Variants in SECISBP2L observed in about 807,000 individuals in gnomAD.
SECISBP2L encodes the protein selenocysteine insertion sequence-binding protein 2-like.
SECISBP2L carries 43 observed loss-of-function variants against 114.7 expected under a neutral mutation model. That is an observed-to-expected ratio of 0.38 (90% CI 0.29 to 0.48). SECISBP2L has a LOEUF of 0.48. Ranked by LOEUF, SECISBP2L falls within the 20% of genes least tolerant of loss-of-function variation. SECISBP2L has a pLI of 0.98. For missense variants in SECISBP2L, 1,136 were observed against 1,301.1 expected, an observed-to-expected ratio of 0.87 and a Z score of 1.95; for synonymous variants, 451 against 439.7, an observed-to-expected ratio of 1.03 and a Z score of -0.32.
intron 13 of SECISBP2L, 79 bp from the exon 14 acceptor site, chr15:49,009,457 G>A (rs1015319290): frequency 1.4e-6 from 2 of 1,414,386 alleles, no homozygotes; most frequent in African/African-American, 1.4e-5. Context: ...ATGCAATTTA[G>A]AATGGCCATT....
In SECISBP2L at chr15:48,992,308, G is replaced by C; in HGVS notation, c.3242C>G (p.Ser1081Cys). ...DQQASPGQQK[S>C]SNCSSLNKEH... is the part of the protein sequence containing the mutation. The stretch of plus-strand genomic sequence containing the variant: ...TTTGTTGAGCGAGCTGCAGTTGCTG[G>C]ACTTCTGCTGCCCAGGACTGGCCTG... Residue 1081 changes from serine (S) to cysteine (C), a missense_variant, in exon 18 of 18, where the codon TCC becomes TGC. Physicochemically the swap from Ser to Cys is moderately radical, Grantham distance 112. Around this residue, in one of 2 missense-constraint regions of SECISBP2L, gnomAD observed 684 missense variants for 848.7 expected, o/e 0.81. Transcript: ENST00000559471. The C allele has an allele frequency of 1.2e-6, 2 of 1,613,668 alleles. No individual in the cohort carries two copies. Among genetic ancestry groups the C allele is most frequent in the Non-Finnish European group, 8.5e-7 (1 of 1,179,814 alleles).
At chr15:49,016,463 T>C (rs1300652420) in intron 11 of SECISBP2L, 97 bp downstream of exon 11, 4 of 1,061,376 alleles carry the variant, frequency 3.8e-6, no homozygotes, top group South Asian at 1.8e-5. Flanking sequence ...CACATATATA[T>C]ACACATACAT....
At chr15:48,994,178 T>C (rs1277538499) in intron 17 of SECISBP2L, among the ~76,000 whole-genome samples, 2 of 152,060 alleles carry the variant, frequency 1.3e-5, no homozygotes, top group Non-Finnish European at 2.9e-5. Context: ...TTACACAATC[T>C]CAAAGCAGAA....
At chr15:49,034,669 GTTTT>G (rs58267682) in intron 3 of SECISBP2L, among the ~76,000 whole-genome samples, 1 of 132,136 alleles carries the variant, frequency 7.6e-6, no homozygotes, top group South Asian at 2.4e-4. Flanking sequence ...TATATCTTTT[GTTTT>G]TTTTTTTTTG....
Position 49,016,807 on chromosome 15 carries a change from C to A in SECISBP2L, c.1419+41G>T, listed in dbSNP as rs758821066. ...CTTCTATCTATTCCATCAAACCTAGCAAGTAAACTATCACATTTGTTCATA... is the reference window on the plus strand; with the variant it reads ...CTTCTATCTATTCCATCAAACCTAGAAAGTAAACTATCACATTTGTTCATA... On this transcript the variant is annotated intron_variant, in intron 10 of 17. Transcript: ENST00000559471. 4.4e-6 allele frequency: 7 copies of A among 1,591,300 alleles called. No homozygotes were observed. The South Asian group carries it at 5.7e-5, about 13-fold the overall frequency.
intron 14 of SECISBP2L, among the ~76,000 whole-genome samples, chr15:49,003,173 G>A (rs1902245712): frequency 6.6e-6 from 1 of 152,096 alleles, no homozygotes; most frequent in Admixed American, 6.5e-5. Context: ...CACATCCCTT[G>A]TAAGTTGGAT....
At chr15:49,034,943 G>A (rs1902975450) in intron 3 of SECISBP2L, among the ~76,000 whole-genome samples, 1 of 152,100 alleles carries the variant, frequency 6.6e-6, no homozygotes, top group Admixed American at 6.5e-5. Flanking sequence ...GATTATAGGT[G>A]TGGCCACTAC....
At chr15:49,040,696 C>T (rs960291878) in intron 1 of SECISBP2L, among the ~76,000 whole-genome samples, 1 of 150,926 alleles carries the variant, frequency 6.6e-6, no homozygotes, top group Non-Finnish European at 1.5e-5. Flanking sequence ...CCATCACGCC[C>T]GGCTAATTTT....
At chr15:49,022,410 G>C (rs571916393) in intron 7 of SECISBP2L, among the ~76,000 whole-genome samples, 71 of 152,316 alleles carry the variant, frequency 4.7e-4, no homozygotes, top group Non-Finnish European at 8.2e-4. Context: ...GACCAGTCTG[G>C]CCAACATGGT....
At chr15:49,032,778 C>T (rs914519397) in intron 4 of SECISBP2L, among the ~76,000 whole-genome samples, 187 bp downstream of exon 4, 1 of 152,152 alleles carries the variant, frequency 6.6e-6, no homozygotes, top group African/African-American at 2.4e-5. Flanking sequence ...ATAAGGCCAG[C>T]AAGCAAATTG....
intron 7 of SECISBP2L, among the ~76,000 whole-genome samples, chr15:49,023,506 C>G (rs1268377101): frequency 6.6e-6 from 1 of 152,196 alleles, no homozygotes; most frequent in Non-Finnish European, 1.5e-5. Context: ...TTTACCAAAA[C>G]AACAGATGAA....
intron 3 of SECISBP2L, among the ~76,000 whole-genome samples, chr15:49,034,275 C>G (rs1902958542): frequency 6.6e-6 from 1 of 152,200 alleles, no homozygotes; most frequent in Non-Finnish European, 1.5e-5. Context: ...CCTCTTCTAT[C>G]AGCTCAAAAG....
rs1902983961 is a variant in SECISBP2L, at chr15:49,035,396, G to C, written c.466C>G (p.Gln156Glu). ...ECTERPSQLG[Q>E]VFPLSSHRSR... is the part of the protein sequence containing the mutation. The stretch of plus-strand genomic sequence containing the variant: ...CGATGGCTGGACAATGGGAAGACCT[G>C]TCCAAGCTGACTTGGACGCTCAGTG... Residue 156 changes from glutamine to glutamate, a missense_variant, in exon 3 of 18, where the codon CAG becomes GAG. Coordinates refer to ENST00000559471, the MANE Select transcript of SECISBP2L (RefSeq NM_001193489.2). 12 of 1,614,052 alleles carry C rather than the reference G, an allele frequency of 7.4e-6. No individual in the cohort carries two copies. The highest frequency in any genetic ancestry group is 1.0e-5 in the Non-Finnish European group (12 of 1,180,040).
intron 1 of SECISBP2L, among the ~76,000 whole-genome samples, chr15:49,043,532 T>C (rs1903183385): frequency 6.6e-6 from 1 of 151,982 alleles, no homozygotes; most frequent in South Asian, 2.1e-4. Context: ...CTCAATAAAT[T>C]TCCTAAAAAT....
chr15:49,033,140 C>A (rs770737550), intron 3 of SECISBP2L, 40 bp from the exon 4 acceptor site: 8 of 1,588,222 alleles, frequency 5.0e-6, no homozygotes, highest in Non-Finnish European at 6.9e-6. Context: ...AAACACACAA[C>A]TATTCAATGT....
chr15:49,045,845 C>T (rs907103033), intron 1 of SECISBP2L, among the ~76,000 whole-genome samples: 1 of 152,178 alleles, frequency 6.6e-6, no homozygotes, highest in Non-Finnish European at 1.5e-5. Flanking sequence ...CCCGTGACTT[C>T]CCTTCATCTG....
intron 1 of SECISBP2L, among the ~76,000 whole-genome samples, chr15:49,041,255 GA>G (rs1406476948): frequency 6.6e-6 from 1 of 151,996 alleles, no homozygotes; most frequent in African/African-American, 2.4e-5. Context: ...CCAAATTAAT[GA>G]AAAAAATCAT....
Position 48,990,890 on chromosome 15 carries a change from T to C in SECISBP2L, c.*1354A>G, listed in dbSNP as rs1901963416. The C allele has an allele frequency of 6.6e-6, 1 of 151,444 alleles. No individual in the cohort carries two copies. The highest frequency in any genetic ancestry group is 2.1e-4 in the South Asian group (1 of 4,808). The allele number at this position is 151,444 out of a possible 1,614,324, so 9.4% of individuals were successfully genotyped here. ...CAGTTGGGGGTGGTGGGGAGTTGGA[T>C]GGAAGACAAAAAAATTACATAGTTT... On this transcript the variant is annotated 3_prime_UTR_variant, in exon 18 of 18. Transcript: ENST00000559471.
intron 11 of SECISBP2L, among the ~76,000 whole-genome samples, chr15:49,015,668 G>C (rs576079744): frequency 1.3e-5 from 2 of 152,198 alleles, no homozygotes; most frequent in South Asian, 4.1e-4. Flanking sequence ...AATCTGACAA[G>C]GTTTGTTAAA....
Sources: allele counts gnomAD v4.1 joint callset (sites outside exome capture counted in the v4.1 genomes callset), GRCh38; gene constraint gnomAD v4.1.1; regional missense constraint gnomAD v4.1.1; transcripts MANE v1.5; gene names NCBI Gene and HGNC (gene_info 2026-07-23, HGNC 2026-07-21).